The following CRB1 variants were observed in gnomAD, a reference collection of about 807,000 sequenced individuals.
CRB1 encodes protein crumbs homolog 1.
CRB1 carries 83 observed loss-of-function variants against 120.0 expected under a neutral mutation model. That is an observed-to-expected ratio of 0.69 (90% CI 0.58 to 0.83). CRB1 has a LOEUF of 0.83. Ranked by LOEUF, CRB1 falls within the 40% of genes least tolerant of loss-of-function variation. The probability of loss-of-function intolerance (pLI) is 0.00; values close to 1 mark genes in which losing one functional copy is unlikely to be tolerated. For synonymous variants in CRB1, 625 were observed against 612.5 expected, an observed-to-expected ratio of 1.02 and a Z score of -0.30; for missense variants, 1,699 against 1,687.6, an observed-to-expected ratio of 1.01 and a Z score of -0.12.
At chr1:197,309,686 A>G (rs576880313) in intron 1 of CRB1, among the ~76,000 whole-genome samples, 1 of 152,090 alleles carries the variant, frequency 6.6e-6, no homozygotes, top group African/African-American at 2.4e-5. Flanking sequence ...CCCGGGAGGC[A>G]GAGCTTGCAG....
the CRB1 span, among the ~76,000 whole-genome samples, chr1:197,239,395 A>C: frequency 6.6e-6 from 1 of 152,100 alleles, no homozygotes; most frequent in African/African-American, 2.4e-5. Flanking sequence ...TATATTTTGC[A>C]GTTCTGATCT....
chr1:197,222,812 G>A, the CRB1 span: 4 of 1,502,142 alleles, frequency 2.7e-6, no homozygotes, highest in African/African-American at 1.4e-5. Context: ...CTTGTCATAA[G>A]CATCTAGCCA....
Position 197,342,367 on chromosome 1 carries a change from G to A in CRB1, c.653-1914G>A, listed in dbSNP as rs1354722744. On this transcript the variant is annotated intron_variant, in intron 2 of 11. Coordinates refer to ENST00000367400, the MANE Select transcript of CRB1 (RefSeq NM_201253.3). ...CCAACAATCATGGACTTAATGAGAA[G>A]CATCTCAAGAATGTGTCTGTCATTG... 4.6e-5 allele frequency among the ~76,000 whole-genome samples: 7 copies of A among 152,224 alleles called. No homozygotes were observed. In the East Asian group the frequency reaches 7.7e-4, roughly 17 times the overall value.
At chr1:197,470,371 A>T (rs1296491812) in intron 11 of CRB1, among the ~76,000 whole-genome samples, 1 of 152,208 alleles carries the variant, frequency 6.6e-6, no homozygotes, top group Non-Finnish European at 1.5e-5. Context: ...AGCAAATAGT[A>T]ACACCTACCT....
At chr1:197,358,393 C>T (rs911249066) in intron 5 of CRB1, among the ~76,000 whole-genome samples, 1 of 152,138 alleles carries the variant, frequency 6.6e-6, no homozygotes, top group Non-Finnish European at 1.5e-5. Flanking sequence ...AATATTACCT[C>T]ATCAAATAAA....
intron 5 of CRB1, among the ~76,000 whole-genome samples, chr1:197,377,811 T>A (rs998893477): frequency 6.6e-6 from 1 of 152,202 alleles, no homozygotes; most frequent in Non-Finnish European, 1.5e-5. Flanking sequence ...CCTTTTTTTA[T>A]GAACTCTTTT....
intron 5 of CRB1, among the ~76,000 whole-genome samples, chr1:197,391,480 G>A (rs546026842): frequency 6.6e-6 from 1 of 152,200 alleles, no homozygotes; most frequent in African/African-American, 2.4e-5. Context: ...CTGTGAAGTT[G>A]TCACTGTAAT....
At chr1:197,335,476 C>T (rs898570877) in intron 2 of CRB1, among the ~76,000 whole-genome samples, 3 of 151,982 alleles carry the variant, frequency 2.0e-5, no homozygotes, top group African/African-American at 7.2e-5. Context: ...TGAAAGAGAC[C>T]TATCAAGTTT....
At chr1:197,345,897 G>A (rs544530709) in intron 3 of CRB1, among the ~76,000 whole-genome samples, 1 of 152,070 alleles carries the variant, frequency 6.6e-6, no homozygotes, top group South Asian at 2.1e-4. Context: ...ACTTTTAGTT[G>A]TACCCCAATA....
chr1:197,465,868 G>C (rs1212282783), intron 11 of CRB1, among the ~76,000 whole-genome samples: 1 of 152,158 alleles, frequency 6.6e-6, no homozygotes, highest in African/African-American at 2.4e-5. Context: ...TAAAGGAAAG[G>C]TTTTTATTTC....
At chr1:197,374,050 A>G (rs1335889449) in intron 5 of CRB1, among the ~76,000 whole-genome samples, 1 of 152,130 alleles carries the variant, frequency 6.6e-6, no homozygotes, top group Non-Finnish European at 1.5e-5. Context: ...CTGCAAAACA[A>G]TCAGGCCAAT....
At chr1:197,340,847 T>A (rs1476616464) in intron 2 of CRB1, among the ~76,000 whole-genome samples, 1 of 152,164 alleles carries the variant, frequency 6.6e-6, no homozygotes, top group Non-Finnish European at 1.5e-5. Flanking sequence ...ATTTTCACTC[T>A]GCTAATAAAG....
rs753701662 is a variant in CRB1 at position 197,356,915 on chromosome 1, C to T, written c.1073C>T (p.Ser358Phe). 1 of 1,614,180 alleles carries T rather than the reference C, an allele frequency of 6.2e-7. No homozygotes were observed. Among genetic ancestry groups the T allele is most frequent in the South Asian group, 1.1e-5 (1 of 91,092 alleles). The change falls in exon 5 of 12, where the codon TCC becomes TTC. Residue 358 changes from serine (S) to phenylalanine (F), a missense_variant. Ser to Phe is a radical substitution (Grantham distance 155, BLOSUM62 -2). Transcript: ENST00000367400. Reference protein sequence around the residue: ...CQSNGECVELSSEKQYGRITG... With the variant: ...CQSNGECVELFSEKQYGRITG... Reference sequence around the variant, plus strand: ...TCCAATGGGGAATGTGTGGAGCTGTCCTCAGAGAAACAATATGGACGCATC... The same window carrying T: ...TCCAATGGGGAATGTGTGGAGCTGTTCTCAGAGAAACAATATGGACGCATC...
chr1:197,292,982 T>C (rs1005426024), intron 1 of CRB1, among the ~76,000 whole-genome samples: 3 of 152,082 alleles, frequency 2.0e-5, no homozygotes, highest in African/African-American at 4.8e-5. Flanking sequence ...ACTGGAAGCA[T>C]TCCCTTTCAA....
chr1:197,300,464 C>G (rs1656799238), intron 1 of CRB1, among the ~76,000 whole-genome samples: 1 of 151,912 alleles, frequency 6.6e-6, no homozygotes, highest in Non-Finnish European at 1.5e-5. Flanking sequence ...TTCCTTAAGC[C>G]AAAGCCTAAC....
intron 2 of CRB1, among the ~76,000 whole-genome samples, chr1:197,340,895 T>C (rs965869241): frequency 1.3e-5 from 2 of 152,090 alleles, no homozygotes; most frequent in Non-Finnish European, 2.9e-5. Context: ...AGGAAAAAGG[T>C]TTAATTAACT....
chr1:197,392,857 T>A (rs891516014), intron 5 of CRB1, among the ~76,000 whole-genome samples: 7 of 151,934 alleles, frequency 4.6e-5, no homozygotes, highest in African/African-American at 1.7e-4. Context: ...AACTGAAGAG[T>A]TGGGAATTTC....
At chr1:197,260,321 T>G in the CRB1 span, among the ~76,000 whole-genome samples, 3 of 152,132 alleles carry the variant, frequency 2.0e-5, no homozygotes, top group Non-Finnish European at 4.4e-5. Context: ...ACATTGGCTA[T>G]CCATCTGGAA....
chr1:197,340,964 G>A (rs746073077), intron 2 of CRB1, among the ~76,000 whole-genome samples: 2 of 152,134 alleles, frequency 1.3e-5, no homozygotes, highest in Non-Finnish European at 2.9e-5. Flanking sequence ...GGAGGAACAA[G>A]TTGCGTCTTA....
Sources: allele counts gnomAD v4.1 joint callset (sites outside exome capture counted in the v4.1 genomes callset), GRCh38; gene constraint gnomAD v4.1.1; transcripts MANE v1.5; gene names NCBI Gene and HGNC (gene_info 2026-07-23, HGNC 2026-07-21).